DNM3: variants seen among roughly 807,000 people sequenced by gnomAD.
The protein encoded by DNM3 is dynamin 3.
DNM3 carries 47 observed loss-of-function variants against 101.6 expected under a neutral mutation model. That is an observed-to-expected ratio of 0.46 (90% CI 0.37 to 0.59). The LOEUF is 0.59. Ranked by LOEUF, DNM3 falls within the 20% of genes least tolerant of loss-of-function variation. The pLI is 0.00. For synonymous variants in DNM3, 385 were observed against 387.9 expected, an observed-to-expected ratio of 0.99 and a Z score of 0.09; for missense variants, 849 against 1,085.7, an observed-to-expected ratio of 0.78 and a Z score of 3.06.
At chr1:171,847,507 T>C (rs1054102160) in intron 1 of DNM3, among the ~76,000 whole-genome samples, 2 of 149,750 alleles carry the variant, frequency 1.3e-5, no homozygotes, top group Admixed American at 6.7e-5. Flanking sequence ...ATACTGTATA[T>C]TGGAGAGGGC....
intron 2 of DNM3, among the ~76,000 whole-genome samples, chr1:171,949,391 A>T (rs2042362676): frequency 6.6e-6 from 1 of 152,164 alleles, no homozygotes; most frequent in African/African-American, 2.4e-5. Flanking sequence ...GGAAATAAAA[A>T]TTAAAACCAT....
intron 14 of DNM3, among the ~76,000 whole-genome samples, chr1:172,219,377 CAAAAAA>C (rs58783160): frequency 5.3e-5 from 3 of 56,302 alleles, no homozygotes; most frequent in South Asian, 9.4e-4. Context: ...TACCCTGTCT[CAAAAAA>C]AAAAAAAAAA....
chr1:172,414,688 C>T (rs1484937272), downstream of DNM3, among the ~76,000 whole-genome samples: 2 of 149,604 alleles, frequency 1.3e-5, no homozygotes, highest in African/African-American at 5.0e-5. Context: ...GAGGCTGAGG[C>T]AGGAGGATCA....
chr1:172,041,885 C>T (rs1256839493), intron 7 of DNM3, 124 bp from the exon 8 acceptor site: 1 of 1,004,910 alleles, frequency 1.0e-6, no homozygotes, highest in African/African-American at 1.6e-5. Flanking sequence ...AATGTTAACT[C>T]TGCCAGTAGG....
At position 172,408,224 on chromosome 1, in the gene DNM3, C is replaced by G. The variant is rs1161339701; in HGVS notation, c.*383C>G. 9.9e-7 allele frequency: 1 copy of G among 1,010,062 alleles called. No homozygotes were observed. Among genetic ancestry groups the G allele is most frequent in the Non-Finnish European group, 1.2e-6 (1 of 844,870 alleles). The allele number at this position is 1,010,062 out of a possible 1,614,324, so 62.6% of individuals were successfully genotyped here. On this transcript the variant is annotated 3_prime_UTR_variant, in exon 21 of 21. Coordinates refer to ENST00000627582, the MANE Select transcript of DNM3 (RefSeq NM_015569.5). Reference sequence around the variant, plus strand: ...TGAGATAGTGGGCTTAGACCTAAGCCATACATATTTCTTTTCCCACATTCT... The same window carrying G: ...TGAGATAGTGGGCTTAGACCTAAGCGATACATATTTCTTTTCCCACATTCT...
intron 13 of DNM3, among the ~76,000 whole-genome samples, chr1:172,109,302 TGGA>T (rs1473683786): frequency 6.6e-6 from 1 of 152,198 alleles, no homozygotes; most frequent in Non-Finnish European, 1.5e-5. Flanking sequence ...CTGTAAAAAG[TGGA>T]GGAGGAAAAG....
intron 2 of DNM3, among the ~76,000 whole-genome samples, chr1:171,983,872 T>G (rs1353131731): frequency 6.6e-6 from 1 of 152,124 alleles, no homozygotes; most frequent in African/African-American, 2.4e-5. Flanking sequence ...TTAGTAGCAG[T>G]GCTTTTTCTC....
chr1:172,412,294 G>A lies in DNM3; in HGVS notation c.*4453G>A. 1.0e-6 allele frequency: 1 copy of A among 985,210 alleles called. No individual in the cohort carries two copies. Among genetic ancestry groups the A allele is most frequent in the Non-Finnish European group, 1.2e-6 (1 of 829,780 alleles). The allele number at this position is 985,210 out of a possible 1,614,324, so 61.0% of individuals were successfully genotyped here. A position where few individuals can be genotyped will look rare whatever the true frequency, so the allele number is the denominator to read the frequency against. On this transcript the variant is annotated 3_prime_UTR_variant, in exon 21 of 21. Transcript: ENST00000627582. ...TTAAAATTATGACAAAAATTACTCT[G>A]TCTAACCACTTGCCTTGTCTGCTAC...
chr1:171,841,854 G>A (rs1222788745), intron 1 of DNM3, 37 bp downstream of exon 1: 1 of 1,584,252 alleles, frequency 6.3e-7, no homozygotes, highest in Non-Finnish European at 8.5e-7. Flanking sequence ...ATGCGGCAGT[G>A]GGGCGACCCC....
intron 17 of DNM3, among the ~76,000 whole-genome samples, chr1:172,372,674 A>ATTT (rs71107346): frequency 2.4e-4 from 19 of 79,006 alleles, no homozygotes; most frequent in Non-Finnish European, 3.3e-4. Flanking sequence ...CTTGTAATTA[A>ATTT]TTTTTTTTTT....
chr1:172,327,222 A>T (rs1444294322), intron 17 of DNM3, among the ~76,000 whole-genome samples: 1 of 152,192 alleles, frequency 6.6e-6, no homozygotes, highest in Non-Finnish European at 1.5e-5. Context: ...CACGTTCAGC[A>T]AGGCCAGTGG....
chr1:172,253,489 T>TCTCTC lies in DNM3; in HGVS notation c.1660-32_1660-28dup, dbSNP rs139551857. ...ATCTTTTATTAAAGTCAATTTTCTG[T>TCTCTC]CTCTCCTCTCCTCTCCTCTCCTCTC... On this transcript the variant is annotated intron_variant, in intron 14 of 20. Coordinates refer to ENST00000627582, the MANE Select transcript of DNM3 (RefSeq NM_015569.5). 2,643 of 592,512 alleles carry TCTCTC rather than the reference T, an allele frequency of 4.5e-3. 19 individuals carry two copies. Among genetic ancestry groups the TCTCTC allele is most frequent in the African/African-American group, 6.5e-3 (292 of 45,228 alleles). 36.7% of individuals were successfully genotyped at this position (592,512 alleles called of 1,614,324 possible).
intron 13 of DNM3, among the ~76,000 whole-genome samples, chr1:172,114,330 C>A (rs909014825): frequency 6.6e-6 from 1 of 152,122 alleles, no homozygotes; most frequent in Non-Finnish European, 1.5e-5. Flanking sequence ...ATAGCCAGTG[C>A]GGCTGAAACA....
intron 20 of DNM3, among the ~76,000 whole-genome samples, chr1:172,400,851 C>A (rs1405976147): frequency 3.3e-5 from 5 of 152,144 alleles, no homozygotes; most frequent in Non-Finnish European, 7.3e-5. Flanking sequence ...TTTGCACATA[C>A]CTTTCCTATT....
chr1:172,146,546 C>T (rs1185755802), intron 14 of DNM3, among the ~76,000 whole-genome samples: 2 of 152,074 alleles, frequency 1.3e-5, no homozygotes. Flanking sequence ...GCCCATAAGA[C>T]TCACCTCCCT....
intron 1 of DNM3, among the ~76,000 whole-genome samples, chr1:171,888,403 G>T (rs1260920794): frequency 1.3e-5 from 2 of 152,164 alleles, no homozygotes; most frequent in East Asian, 3.9e-4. Context: ...TTTTAATATG[G>T]ATTATAAAAC....
chr1:172,024,557 A>T (rs1444878835), intron 4 of DNM3, among the ~76,000 whole-genome samples: 1 of 152,230 alleles, frequency 6.6e-6, no homozygotes, highest in African/African-American at 2.4e-5. Flanking sequence ...TGCCAGTGAG[A>T]TCAACGCAGA....
intron 14 of DNM3, among the ~76,000 whole-genome samples, chr1:172,205,245 G>A (rs1572946149): frequency 6.6e-6 from 1 of 151,988 alleles, no homozygotes; most frequent in South Asian, 2.1e-4. Flanking sequence ...ATCATCTCTA[G>A]CCACCTCCTT....
At chr1:171,883,283 G>A (rs539621876) in intron 1 of DNM3, among the ~76,000 whole-genome samples, 79 of 151,360 alleles carry the variant, frequency 5.2e-4, no homozygotes, top group South Asian at 1.7e-3. Flanking sequence ...GGCTGAGGTG[G>A]AAGGATCATT....
Sources: allele counts gnomAD v4.1 joint callset (sites outside exome capture counted in the v4.1 genomes callset), GRCh38; gene constraint gnomAD v4.1.1; transcripts MANE v1.5; gene names NCBI Gene and HGNC (gene_info 2026-07-23, HGNC 2026-07-21).